RBBP8NL: variants seen among roughly 807,000 people sequenced by gnomAD.
RBBP8NL encodes the protein RBBP8 N-terminal-like protein.
RBBP8NL carries 59 observed loss-of-function variants against 62.2 expected under a neutral mutation model. The observed-to-expected ratio is 0.95, with a 90% CI of 0.77 to 1.18. The LOEUF (loss-of-function observed/expected upper bound fraction) is 1.18. RBBP8NL is among the 50% of genes most tolerant of loss of function. The pLI is 0.00. For missense variants in RBBP8NL, 896 were observed against 899.5 expected (o/e 1.00, Z 0.05); for synonymous variants, 412 against 394.1 (o/e 1.05, Z -0.54).
At chr20:62,421,251 ATG>A (rs762354224) in intron 1 of RBBP8NL, among the ~76,000 whole-genome samples, 9 of 149,654 alleles carry the variant, frequency 6.0e-5, no homozygotes, top group Non-Finnish European at 1.2e-4. Context: ...GCCAGTGTGC[ATG>A]TGTGTGCCGT....
In RBBP8NL at chr20:62,413,841, C is replaced by T. The variant is rs757657322; in HGVS notation, c.1510G>A (p.Glu504Lys). The T allele has an allele frequency of 1.3e-6, 2 of 1,597,562 alleles. No individual in the cohort carries two copies. The highest frequency in any genetic ancestry group is 1.7e-6 in the Non-Finnish European group (2 of 1,173,252). ...GTKGTRVPEQ[E>K]EASTPMDPSR... Reference sequence around the variant, plus strand: ...CTTACCATGGGAGTGGAAGCCTCCTCCTGCTCTGGCACTCTGGTCCCCTTG... The same window carrying T: ...CTTACCATGGGAGTGGAAGCCTCCTTCTGCTCTGGCACTCTGGTCCCCTTG... The change falls in exon 10 of 14, where the codon GAG becomes AAG. Residue 504 changes from glutamate to lysine, a missense_variant. Coordinates refer to ENST00000252998, the MANE Select transcript of RBBP8NL (RefSeq NM_080833.3).
intron 13 of RBBP8NL, among the ~76,000 whole-genome samples, chr20:62,411,770 G>C (rs1988439602): frequency 1.3e-5 from 2 of 152,248 alleles, no homozygotes; most frequent in Admixed American, 1.3e-4. Context: ...CTGGCTCACA[G>C]ACTGCACCCC....
intron 11 of RBBP8NL, 83 bp downstream of exon 11, chr20:62,413,318 C>A (rs1276998046): frequency 7.4e-7 from 1 of 1,355,572 alleles, no homozygotes; most frequent in African/African-American, 1.5e-5. Context: ...GACACCCACT[C>A]CTGGTGGGCA....
At position 62,416,944 on chromosome 20, in the gene RBBP8NL, C is replaced by T. The variant is rs976697159; in HGVS notation, c.201-72G>A. 1.5e-5 allele frequency: 18 copies of T among 1,202,744 alleles called. No homozygotes were observed. The African/African-American group carries it at 2.0e-4, about 13-fold the overall frequency. The allele number at this position is 1,202,744 out of a possible 1,614,324, so 74.5% of individuals were successfully genotyped here. A position where few individuals can be genotyped will look rare whatever the true frequency, so the allele number is the denominator to read the frequency against. On this transcript the variant is annotated intron_variant, in intron 4 of 13. Coordinates refer to ENST00000252998, the MANE Select transcript of RBBP8NL (RefSeq NM_080833.3). ...ACAGAGGGCCTGGGACACTCACTGC[C>T]CCACTGCTGGGAAGTGCCCCTGCCC...
intron 1 of RBBP8NL, among the ~76,000 whole-genome samples, chr20:62,422,621 G>A (rs1306038995): frequency 1.4e-5 from 2 of 147,704 alleles, no homozygotes; most frequent in African/African-American, 2.5e-5. Context: ...GATGGGGCCC[G>A]GAGTGGGGAT....
chr20:62,427,137 C>T (rs188290894), intron 1 of RBBP8NL, among the ~76,000 whole-genome samples: 8 of 152,282 alleles, frequency 5.3e-5, no homozygotes, highest in East Asian at 1.9e-4. Context: ...GGGTGGAGGG[C>T]GAGGCCACCA....
chr20:62,424,751 A>G lies in RBBP8NL; in HGVS notation c.-84+2709T>C, dbSNP rs150641980. Among the ~76,000 whole-genome samples the G allele has an allele frequency of 1.7e-3, 253 of 152,124 alleles. 1 individual carries two copies. Among genetic ancestry groups the G allele is most frequent in the East Asian group, 0.016 (80 of 5,148 alleles). On this transcript the variant is annotated intron_variant, in intron 1 of 13. Transcript: ENST00000252998. ...CCACCTCCCTCTAAAGGCCCCCCAGAGCCTGCACCTGCCCTCCTAGGGTCT... is the reference window on the plus strand; with the variant it reads ...CCACCTCCCTCTAAAGGCCCCCCAGGGCCTGCACCTGCCCTCCTAGGGTCT...
chr20:62,412,175 G>A (rs548241297), intron 13 of RBBP8NL, among the ~76,000 whole-genome samples: 38 of 152,328 alleles, frequency 2.5e-4, no homozygotes, highest in Admixed American at 1.0e-3. Context: ...CATGCCCCTC[G>A]GGGCTGTGCC....
In RBBP8NL at chr20:62,416,816, C is replaced by G. The variant is rs778154623; in HGVS notation, c.257G>C (p.Arg86Pro). 2 of 1,587,974 alleles carry G rather than the reference C, an allele frequency of 1.3e-6. No homozygotes were observed. The highest frequency in any genetic ancestry group is 1.7e-6 in the Non-Finnish European group (2 of 1,167,084). The change falls in exon 5 of 14, where the codon CGG becomes CCG. Residue 86 changes from arginine to proline, a missense_variant. Physicochemically the swap from Arg to Pro is moderately radical, Grantham distance 103 (BLOSUM62 -2). Coordinates refer to ENST00000252998, the MANE Select transcript of RBBP8NL (RefSeq NM_080833.3). The part of the protein sequence containing the change: ...CMVTQELARK[R>P]QQEFESSHLQ... The stretch of plus-strand genomic sequence containing the variant: ...GTGGGAGCTCTCGAACTCCTGCTGC[C>G]GCTTCCTGGCCAGCTCCTGGGTGAC...
Position 62,417,338 on chromosome 20 carries a change from A to G in RBBP8NL, c.105-19T>C, listed in dbSNP as rs367994917. 7.7e-6 allele frequency: 12 copies of G among 1,559,632 alleles called. No homozygotes were observed. Among genetic ancestry groups the G allele is most frequent in the African/African-American group, 1.5e-5 (1 of 65,490 alleles). On this transcript the variant is annotated intron_variant, in intron 3 of 13. Transcript: ENST00000252998. The stretch of plus-strand genomic sequence containing the variant: ...GGCGTCCCTGTGGTGGGAAACAGCT[A>G]AAGTGGGGTCCTGTTCCATCCAGGA...
At position 62,415,161 on chromosome 20, in the gene RBBP8NL, G is replaced by T; in HGVS notation, c.754C>A (p.Pro252Thr). The T allele has an allele frequency of 6.6e-7, 1 of 1,514,722 alleles. No homozygotes were observed. The highest frequency in any genetic ancestry group is 8.9e-7 in the Non-Finnish European group (1 of 1,129,382). 93.8% of individuals were successfully genotyped at this position (1,514,722 alleles called of 1,614,324 possible). Residue 252 changes from proline (P) to threonine (T), a missense_variant, in exon 9 of 14, where the codon CCA becomes ACA. By Grantham distance (38) the Pro-to-Thr change is conservative (BLOSUM62 -1). Coordinates refer to ENST00000252998, the MANE Select transcript of RBBP8NL (RefSeq NM_080833.3). ...TPPPLPARSS[P>T]PSPAYERGLS... ...CCACGCTCATACGCTGGGCTGGGTG[G>T]GCTGCTCCTGGCGGGCAGTGGTGGG...
chr20:62,424,865 C>T (rs1988774316), intron 1 of RBBP8NL, among the ~76,000 whole-genome samples: 1 of 152,154 alleles, frequency 6.6e-6, no homozygotes. Flanking sequence ...ATTCTCAGAG[C>T]CCCAGCAGAG....
chr20:62,414,783 GTC>G (rs762285632), intron 9 of RBBP8NL, among the ~76,000 whole-genome samples: 7 of 152,216 alleles, frequency 4.6e-5, no homozygotes, highest in Non-Finnish European at 8.8e-5. Flanking sequence ...GTGGCCTGTG[GTC>G]TGGGCTCCAA....
intron 3 of RBBP8NL, 77 bp from the exon 4 acceptor site, chr20:62,417,396 G>A (rs1362478918): frequency 8.4e-7 from 1 of 1,195,398 alleles, no homozygotes; most frequent in Non-Finnish European, 1.2e-6. Flanking sequence ...CCAGCCTGGG[G>A]GGGCAGCGCG....
In RBBP8NL at chr20:62,413,801, G is replaced by C. The variant is rs1230376735; in HGVS notation, c.1530+20C>G. ...CGTGGAGGCTGAGGACCGGGTCTGA[G>C]CCAGGACCGGGCTCCTTACCATGGG... On this transcript the variant is annotated intron_variant, in intron 10 of 13. Transcript: ENST00000252998. 1 of 1,577,350 alleles carries C rather than the reference G, an allele frequency of 6.3e-7. No homozygotes were observed. Among genetic ancestry groups the C allele is most frequent in the South Asian group, 1.2e-5 (1 of 84,930 alleles).
At chr20:62,418,253 T>C (rs540165029) in intron 3 of RBBP8NL, among the ~76,000 whole-genome samples, 170 bp downstream of exon 3, 73 of 152,326 alleles carry the variant, frequency 4.8e-4, no homozygotes, top group African/African-American at 1.7e-3. Context: ...CTGGCTTCGC[T>C]GCCTGCTCAC....
chr20:62,426,787 G>A (rs773442938), intron 1 of RBBP8NL, among the ~76,000 whole-genome samples: 111 of 152,354 alleles, frequency 7.3e-4, no homozygotes, highest in Middle Eastern at 3.4e-3. Context: ...TACCCCACAC[G>A]CGCGTGCGCC....
intron 3 of RBBP8NL, 126 bp downstream of exon 3, chr20:62,418,297 C>T (rs934566689): frequency 3.1e-6 from 3 of 966,870 alleles, no homozygotes; most frequent in Non-Finnish European, 4.9e-6. Flanking sequence ...CCCCCCGCCC[C>T]CACACTGAGC....
At chr20:62,411,048 C>T in intron 13 of RBBP8NL, 52 bp from the exon 14 acceptor site, 1 of 1,249,272 alleles carries the variant, frequency 8.0e-7, no homozygotes, top group Non-Finnish European at 1.2e-6. Context: ...TCCTTTGAGG[C>T]AACACTGGCT....
Sources: gnomAD v4.1 joint callset for allele counts (sites outside exome capture counted in the v4.1 genomes callset) on GRCh38, gnomAD v4.1.1 for gene constraint, MANE v1.5 for transcripts, NCBI Gene and HGNC (gene_info 2026-07-23, HGNC 2026-07-21) for gene names.